The following PRKAR2A variants were observed in gnomAD, a reference collection of about 807,000 sequenced individuals.
The protein encoded by PRKAR2A is protein kinase cAMP-dependent type II regulatory subunit alpha, also known as cAMP-dependent protein kinase type II-alpha regulatory subunit.
PRKAR2A carries 29 observed loss-of-function variants against 51.9 expected under a neutral mutation model. The ratio of observed to expected loss-of-function variants is 0.56; its 90% CI spans 0.42 to 0.76. The LOEUF (loss-of-function observed/expected upper bound fraction) is 0.76. PRKAR2A is among the 30% of genes least tolerant of loss of function. PRKAR2A has a pLI of 0.00. For synonymous variants in PRKAR2A, 178 were observed against 186.2 expected (o/e 0.96, Z 0.36); for missense variants, 445 against 512.1 (o/e 0.87, Z 1.26).
chr3:48,827,930 T>A (rs1471572880), intron 1 of PRKAR2A, among the ~76,000 whole-genome samples: 2 of 151,490 alleles, frequency 1.3e-5, no homozygotes, highest in African/African-American at 4.9e-5. Context: ...CATGGTACGA[T>A]CTCAGCTCAC....
At chr3:48,822,210 C>A (rs1448555487) in intron 1 of PRKAR2A, among the ~76,000 whole-genome samples, 213 of 108,870 alleles carry the variant, frequency 2.0e-3, no homozygotes, top group African/African-American at 2.2e-3. Flanking sequence ...GATTCTGTCT[C>A]AAAAAAAAAA....
intron 1 of PRKAR2A, among the ~76,000 whole-genome samples, chr3:48,827,590 C>A (rs897572031): frequency 6.6e-6 from 1 of 152,112 alleles, no homozygotes; most frequent in African/African-American, 2.4e-5. Context: ...AAGCCTATTA[C>A]TCCTAGGCTA....
At chr3:48,795,368 G>A (rs1237145544) in intron 2 of PRKAR2A, among the ~76,000 whole-genome samples, 3 of 151,938 alleles carry the variant, frequency 2.0e-5, no homozygotes, top group Non-Finnish European at 4.4e-5. Flanking sequence ...ACCCTAAAAC[G>A]AAGTACAAAG....
At chr3:48,813,066 A>G (rs2082802610) in intron 1 of PRKAR2A, among the ~76,000 whole-genome samples, 1 of 152,036 alleles carries the variant, frequency 6.6e-6, no homozygotes, top group Non-Finnish European at 1.5e-5. Context: ...CAGAAGACAA[A>G]AGTCCATTTG....
intron 1 of PRKAR2A, among the ~76,000 whole-genome samples, chr3:48,841,776 CATT>C (rs961900157): frequency 3.3e-5 from 5 of 152,004 alleles, no homozygotes; most frequent in African/African-American, 1.2e-4. Flanking sequence ...TGAAGTATCT[CATT>C]GTATGCAATG....
intron 2 of PRKAR2A, among the ~76,000 whole-genome samples, chr3:48,804,989 G>T (rs1353842087): frequency 6.6e-6 from 1 of 151,954 alleles, no homozygotes; most frequent in African/African-American, 2.4e-5. Context: ...ACAGCTCACT[G>T]CAGCATTGAC....
Position 48,791,071 on chromosome 3 carries a change from G to A in PRKAR2A, c.352-444C>T, listed in dbSNP as rs528520604. ...TGGGAGGCCGAGGCAGGCAGATCAC[G>A]ATGTCAGGAGATCGAGACCATCTTG... On this transcript the variant is annotated intron_variant, in intron 3 of 10. Coordinates refer to ENST00000265563, the MANE Select transcript of PRKAR2A (RefSeq NM_004157.4). Among the ~76,000 whole-genome samples the A allele has an allele frequency of 2.4e-3, 366 of 150,968 alleles. 3 individuals are homozygous for A. Among genetic ancestry groups the A allele is most frequent in the African/African-American group, 8.5e-3 (348 of 41,086 alleles).
intron 8 of PRKAR2A, among the ~76,000 whole-genome samples, chr3:48,757,111 T>C (rs2081783555): frequency 6.6e-6 from 1 of 152,014 alleles, no homozygotes. Context: ...TGAACAGCCA[T>C]GAAAGAAACT....
At chr3:48,771,936 G>C (rs2082035672) in intron 6 of PRKAR2A, among the ~76,000 whole-genome samples, 1 of 145,286 alleles carries the variant, frequency 6.9e-6, no homozygotes, top group African/African-American at 2.8e-5. Context: ...TCGTTCTTTT[G>C]TTTTGTTTTG....
chr3:48,791,078 G>C (rs1465214675), intron 3 of PRKAR2A, among the ~76,000 whole-genome samples: 1 of 152,024 alleles, frequency 6.6e-6, no homozygotes, highest in East Asian at 1.9e-4. Flanking sequence ...CACGATGTCA[G>C]GAGATCGAGA....
At chr3:48,796,182 G>T (rs11713694) in intron 2 of PRKAR2A, among the ~76,000 whole-genome samples, 11,510 of 152,210 alleles carry the variant, frequency 0.076, 570 homozygotes, top group Middle Eastern at 0.11. Flanking sequence ...TCAGTGATCT[G>T]TAACAGCTGT....
At chr3:48,775,744 G>A (rs755125558) in intron 5 of PRKAR2A, among the ~76,000 whole-genome samples, 5 of 152,158 alleles carry the variant, frequency 3.3e-5, no homozygotes, top group African/African-American at 4.8e-5. Context: ...AAAACTATAA[G>A]TAATTTCATC....
chr3:48,838,761 G>A (rs900972033), intron 1 of PRKAR2A, among the ~76,000 whole-genome samples: 2 of 145,316 alleles, frequency 1.4e-5, no homozygotes, highest in Admixed American at 1.4e-4. Context: ...GGCGGATCAC[G>A]AGGTCAGGAG....
At chr3:48,777,166 C>T (rs973580630) in intron 5 of PRKAR2A, among the ~76,000 whole-genome samples, 1 of 152,112 alleles carries the variant, frequency 6.6e-6, no homozygotes, top group South Asian at 2.1e-4. Flanking sequence ...ACAGTCATCT[C>T]GCCTGCTATC....
chr3:48,765,094 CA>C lies in PRKAR2A; in HGVS notation c.799-17del. On this transcript the variant is annotated splice_polypyrimidine_tract_variant and intron_variant, in intron 7 of 10. Transcript: ENST00000265563. ...GTTCTGACACCTGAAACAACAAATT[CA>C]CAAATAAAAGGAAAAGACCTTAATT... 3 of 1,612,162 alleles carry C rather than the reference CA, an allele frequency of 1.9e-6. No individual in the cohort carries two copies. The highest frequency in any genetic ancestry group is 2.5e-6 in the Non-Finnish European group (3 of 1,178,400).
chr3:48,793,223 C>T (rs1278721883), intron 3 of PRKAR2A, among the ~76,000 whole-genome samples: 9 of 152,108 alleles, frequency 5.9e-5, no homozygotes, highest in Non-Finnish European at 1.3e-4. Context: ...TCAATGGCTA[C>T]AGATTCTCTT....
Position 48,750,752 on chromosome 3 carries a change from T to TATAC in PRKAR2A, c.*832_*833insGTAT, listed in dbSNP as rs1180797969. On this transcript the variant is annotated 3_prime_UTR_variant, in exon 11 of 11. Transcript: ENST00000265563. ...CCTCCAGACCCTGGCTCCTTATAAA[T>TATAC]GTATAGCAATTCATTCATACAAACT... The TATAC allele has an allele frequency of 6.5e-6, 1 of 153,094 alleles. No homozygotes were observed. Among genetic ancestry groups the TATAC allele is most frequent in the Non-Finnish European group, 1.5e-5 (1 of 68,502 alleles). The allele number at this position is 153,094 out of a possible 1,614,324, so 9.5% of individuals were successfully genotyped here.
At chr3:48,844,227 A>C (rs1434974638) in intron 1 of PRKAR2A, among the ~76,000 whole-genome samples, 2 of 152,138 alleles carry the variant, frequency 1.3e-5, no homozygotes, top group Non-Finnish European at 2.9e-5. Flanking sequence ...CCAAAAGACA[A>C]ATGAAAAAAT....
intron 1 of PRKAR2A, among the ~76,000 whole-genome samples, chr3:48,829,665 T>TAC (rs1419922307): frequency 7.0e-6 from 1 of 141,984 alleles, no homozygotes. Context: ...TACGTGTGTA[T>TAC]ACACACACAT....
Sources: allele counts gnomAD v4.1 joint callset (sites outside exome capture counted in the v4.1 genomes callset), GRCh38; gene constraint gnomAD v4.1.1; transcripts MANE v1.5; gene names NCBI Gene and HGNC (gene_info 2026-07-23, HGNC 2026-07-21).